NRBP2: variants seen among roughly 807,000 people sequenced by gnomAD.
The protein encoded by NRBP2 is nuclear receptor-binding protein 2.
Under a neutral mutation model 74.4 loss-of-function variants are expected in NRBP2, and 47 were observed. The observed-to-expected ratio is 0.63, with a 90% confidence interval of 0.50 to 0.81. The LOEUF (loss-of-function observed/expected upper bound fraction) is 0.81, where lower values mean the gene tolerates loss of function less well. Among genes scored for constraint, NRBP2 ranks in the 30% least tolerant of loss-of-function variants. The pLI is 0.00. For synonymous variants in NRBP2, 312 were observed against 273.8 expected, an observed-to-expected ratio of 1.14 and a Z score of -1.38; for missense variants, 613 against 690.1, an observed-to-expected ratio of 0.89 and a Z score of 1.25.
Position 143,835,880 on chromosome 8 carries a change from G to A in NRBP2, c.1382-5C>T. On this transcript the variant is annotated splice_polypyrimidine_tract_variant and splice_region_variant and intron_variant, in intron 16 of 17. Transcript: ENST00000442628. The surrounding 1 kb of genome is among the most constrained non-coding windows in gnomAD (Gnocchi z 4.9). Reference sequence around the variant, plus strand: ...CGAGGTCCTGGGCGCTGTCCGCTGAGGCAATGGCGTAAGGCGAGGCATGAG... The same window carrying A: ...CGAGGTCCTGGGCGCTGTCCGCTGAAGCAATGGCGTAAGGCGAGGCATGAG... 6.2e-7 allele frequency: 1 copy of A among 1,603,252 alleles called. No individual in the cohort carries two copies. The highest frequency in any genetic ancestry group is 1.1e-5 in the South Asian group (1 of 90,442).
At chr8:143,832,844 G>C (rs1818211170), downstream of NRBP2, among the ~76,000 whole-genome samples, 2 of 152,102 alleles carry the variant, frequency 1.3e-5, no homozygotes, top group Non-Finnish European at 1.5e-5. Context: ...TGGTTCCCCG[G>C]GTCCCCTTAT....
Position 143,837,093 on chromosome 8 carries a change from C to A in NRBP2, c.1209G>T (p.Glu403Asp), listed in dbSNP as rs782450016. 10 of 1,611,304 alleles carry A rather than the reference C, an allele frequency of 6.2e-6. No homozygotes were observed. The highest frequency in any genetic ancestry group is 7.6e-6 in the Non-Finnish European group (9 of 1,179,076). ...LPRVLAPPPE[E>D]VQKAKTPTPE... is the part of the protein sequence containing the mutation. ...GCGTCGGGGTCTTGGCCTTTTGGAC[C>A]TCCTCCGGGGGTGGGGCCAGCACAC... The change falls in exon 14 of 18, where the codon GAG (glutamate) becomes GAT (aspartate). Residue 403 changes from glutamate (E) to aspartate (D), a missense_variant. Coordinates refer to ENST00000442628, the MANE Select transcript of NRBP2 (RefSeq NM_178564.4). This position sits in a 1 kb window ranked among gnomAD's most constrained non-coding sequence, Gnocchi z 4.3.
rs1554653521 is a variant in NRBP2, at chr8:143,840,763, G to T, written c.72C>A (p.Asp24Glu). Residue 24 changes from aspartate (D) to glutamate (E), a missense_variant, in exon 1 of 18, where the codon GAC becomes GAA. This residue lies in a region of NRBP2 where 332 missense variants were observed against 429.2 expected (regional missense o/e 0.77). Coordinates refer to ENST00000442628, the MANE Select transcript of NRBP2 (RefSeq NM_178564.4). The surrounding 1 kb of genome is among the most constrained non-coding windows in gnomAD (Gnocchi z 5.7). ...GGCTTTCCTCCAGGATGTCGCTCTCGTCCTCGCTCTCGTCCTCCCGCTCCC... is the reference window on the plus strand; with the variant it reads ...GGCTTTCCTCCAGGATGTCGCTCTCTTCCTCGCTCTCGTCCTCCCGCTCCC... ...REREREDESE[D>E]ESDILEESPC... 2 of 1,513,790 alleles carry T rather than the reference G, an allele frequency of 1.3e-6. No individual in the cohort carries two copies. The highest frequency in any genetic ancestry group is 1.8e-6 in the Non-Finnish European group (2 of 1,137,118). 93.8% of individuals were successfully genotyped at this position (1,513,790 alleles called of 1,614,324 possible). A position where few individuals can be genotyped will look rare whatever the true frequency, so the allele number is the denominator to read the frequency against.
At position 143,840,622 on chromosome 8, in the gene NRBP2, A is replaced by AGC; in HGVS notation, c.129+82_129+83dup. 7.9e-7 allele frequency: 1 copy of AGC among 1,263,278 alleles called. No individual in the cohort carries two copies. The highest frequency in any genetic ancestry group is 1.0e-6 in the Non-Finnish European group (1 of 965,214). 78.3% of individuals were successfully genotyped at this position (1,263,278 alleles called of 1,614,324 possible). On this transcript the variant is annotated intron_variant, in intron 1 of 17. Transcript: ENST00000442628. This position sits in a 1 kb window ranked among gnomAD's most constrained non-coding sequence, Gnocchi z 5.7. ...AGGTTTCCAGCCGCCGCGCTCTCCC[A>AGC]GCGCCCCCACGCCCCGCGCAGCCTC...
Position 143,837,697 on chromosome 8 carries a change from A to C in NRBP2, c.899T>G (p.Leu300Arg). 1 of 1,573,286 alleles carries C rather than the reference A, an allele frequency of 6.4e-7. No homozygotes were observed. The highest frequency in any genetic ancestry group is 8.6e-7 in the Non-Finnish European group (1 of 1,158,976). ...CTCGAAGAGCACGCGGTGGAAGAGG[A>C]GGCTGTGGGCAGAGGGCCGGCGGGC... Reference protein sequence around the residue: ...DPARRPSAHSLLFHRVLFEVH... With the variant: ...DPARRPSAHSRLFHRVLFEVH... Residue 300 changes from leucine to arginine, a missense_variant, in exon 11 of 18, where the codon CTC becomes CGC. By Grantham distance (102) the Leu-to-Arg change is moderately radical (BLOSUM62 -2). This residue lies in a region of NRBP2 where 332 missense variants were observed against 429.2 expected (regional missense o/e 0.77). Coordinates refer to ENST00000442628, the MANE Select transcript of NRBP2 (RefSeq NM_178564.4). This position sits in a 1 kb window ranked among gnomAD's most constrained non-coding sequence, Gnocchi z 4.3.
Position 143,840,150 on chromosome 8 carries a change from T to G in NRBP2, c.209A>C (p.Asn70Thr), listed in dbSNP as rs1554653376. The change falls in exon 2 of 18, where the codon AAC becomes ACC. Residue 70 changes from asparagine (N) to threonine (T), a missense_variant. Transcript: ENST00000442628. This position sits in a 1 kb window ranked among gnomAD's most constrained non-coding sequence, Gnocchi z 5.7. ...CTTCCTGTCTCCGAAGTGGAGCTCGTTCCACACCACCTCTACCCCCTCCTC... is the reference window on the plus strand; with the variant it reads ...CTTCCTGTCTCCGAAGTGGAGCTCGGTCCACACCACCTCTACCCCCTCCTC... ...DTEEGVEVVW[N>T]ELHFGDRKAF... The G allele has an allele frequency of 6.5e-7, 1 of 1,536,114 alleles. No individual in the cohort carries two copies.
Position 143,839,570 on chromosome 8 carries a change from C to T in NRBP2, c.445-21G>A. On this transcript the variant is annotated intron_variant, in intron 4 of 17. Transcript: ENST00000442628. This position sits in a 1 kb window ranked among gnomAD's most constrained non-coding sequence, Gnocchi z 5.1. ...CAGGCCTGGCGGCGGACGCACGACT[C>T]CGTCGGTCGGGTGGGCGCAGGAGAG... 6.5e-7 allele frequency: 1 copy of T among 1,528,082 alleles called. No homozygotes were observed. The allele number at this position is 1,528,082 out of a possible 1,614,324, so 94.7% of individuals were successfully genotyped here.
At chr8:143,831,143 T>C (rs1046408708), downstream of NRBP2, among the ~76,000 whole-genome samples, 1 of 152,242 alleles carries the variant, frequency 6.6e-6, no homozygotes, top group Non-Finnish European at 1.5e-5. Context: ...GCACGCAGGA[T>C]GCATGGTGCC....
chr8:143,836,870 C>T (rs1554651930), intron 14 of NRBP2, among the ~76,000 whole-genome samples, 169 bp downstream of exon 14: 1 of 152,000 alleles, frequency 6.6e-6, no homozygotes, highest in East Asian at 1.9e-4. Context: ...CCCAGCCTGT[C>T]CTATAACCCC....
At position 143,839,796 on chromosome 8, in the gene NRBP2, T is replaced by G. The variant is rs1355774236; in HGVS notation, c.384A>C (p.Ser128=). The G allele has an allele frequency of 7.2e-6, 11 of 1,535,908 alleles. No homozygotes were observed. Among genetic ancestry groups the G allele is most frequent in the Non-Finnish European group, 9.6e-6 (11 of 1,146,864 alleles). Residue 128 remains serine (S), a synonymous_variant, in exon 4 of 18, where the codon TCA becomes TCC. Transcript: ENST00000442628. The surrounding 1 kb of genome is among the most constrained non-coding windows in gnomAD (Gnocchi z 5.1). The part of the protein sequence containing the change: ...RVIFITEYVS[S]GSLKQFLKKT... ...TTTTGAGGAATTGCTTGAGGCTGCC[T>G]GATGACACGTACTCTGTGATGAAGA...
chr8:143,837,484 C>T lies in NRBP2; in HGVS notation c.999G>A (p.Glu333=). ...HQYLMPENVV[E]EKTKAMDLHA... ...GCAGGTCCATGGCCTTGGTCTTCTC[C>T]TCCACCACATTCTCAGGCATGAGGT... is the stretch of plus-strand genomic sequence containing the variant. Residue 333 remains glutamate, a synonymous_variant, in exon 12 of 18, where the codon GAG becomes GAA. Transcript: ENST00000442628. This position sits in a 1 kb window ranked among gnomAD's most constrained non-coding sequence, Gnocchi z 4.3. The T allele has an allele frequency of 1.2e-6, 2 of 1,611,238 alleles. No individual in the cohort carries two copies. Among genetic ancestry groups the T allele is most frequent in the African/African-American group, 1.3e-5 (1 of 75,006 alleles).
chr8:143,839,383 T>C lies in NRBP2; in HGVS notation c.511A>G (p.Ile171Val), dbSNP rs533496025. ...LSFLHACSPPIIHGNLTSDTI... is the reference protein window; with the variant it reads ...LSFLHACSPPVIHGNLTSDTI... ...TCGCTGGTCAGGTTCCCGTGGATGA[T>C]TGGGGGGCTGCAGGCGTGCAGGAAG... Residue 171 changes from isoleucine to valine, a missense_variant, in exon 6 of 18, where the codon ATC (isoleucine) becomes GTC (valine). Transcript: ENST00000442628. This position sits in a 1 kb window ranked among gnomAD's most constrained non-coding sequence, Gnocchi z 5.1. The C allele has an allele frequency of 1.4e-4, 226 of 1,587,396 alleles. No individual in the cohort carries two copies. The highest frequency in any genetic ancestry group is 1.2e-3 in the African/African-American group (93 of 74,426).
In NRBP2 at chr8:143,835,744, G is replaced by A. The variant is rs1049363236; in HGVS notation, c.1438-14C>T. 5 of 1,596,840 alleles carry A rather than the reference G, an allele frequency of 3.1e-6. No homozygotes were observed. The highest frequency in any genetic ancestry group is 2.7e-5 in the African/African-American group (2 of 74,162). On this transcript the variant is annotated splice_polypyrimidine_tract_variant and intron_variant, in intron 17 of 17. Coordinates refer to ENST00000442628, the MANE Select transcript of NRBP2 (RefSeq NM_178564.4). The surrounding 1 kb of genome is among the most constrained non-coding windows in gnomAD (Gnocchi z 4.9). ...CATCCGGTCGTCCTGCGGAAGGAGG[G>A]AGGCATGGGGGACGGAGGGGCGCGG...
At position 143,840,023 on chromosome 8, in the gene NRBP2, A is replaced by G; in HGVS notation, c.260T>C (p.Ile87Thr). ...RKAFAAHEEK[I>T]QTVFEQLVLV... ...CACCAGCTGCTCGAACACGGTCTGGATCTTCTCCTGGGGAGGGAGGGTGGT... is the reference window on the plus strand; with the variant it reads ...CACCAGCTGCTCGAACACGGTCTGGGTCTTCTCCTGGGGAGGGAGGGTGGT... Residue 87 changes from isoleucine (I) to threonine (T), a missense_variant, in exon 3 of 18, where the codon ATC becomes ACC. Transcript: ENST00000442628. The surrounding 1 kb of genome is among the most constrained non-coding windows in gnomAD (Gnocchi z 5.7). 1.3e-6 allele frequency: 2 copies of G among 1,536,114 alleles called. No individual in the cohort carries two copies. Among genetic ancestry groups the G allele is most frequent in the Middle Eastern group, 1.7e-4 (1 of 5,990 alleles).
At chr8:143,836,852 GGA>G (rs1444513954) in intron 14 of NRBP2, among the ~76,000 whole-genome samples, 185 bp downstream of exon 14, 1 of 152,206 alleles carries the variant, frequency 6.6e-6, no homozygotes, top group Admixed American at 6.5e-5. Flanking sequence ...TCCCGGAAAA[GGA>G]GAGTGCCCAG....
Position 143,839,995 on chromosome 8 carries a change from C to G in NRBP2, c.288G>C (p.Leu96=), listed in dbSNP as rs1343919118. The change falls in exon 3 of 18, where the codon CTG becomes CTC. Residue 96 remains leucine, a synonymous_variant. Transcript: ENST00000442628. This position sits in a 1 kb window ranked among gnomAD's most constrained non-coding sequence, Gnocchi z 5.1. ...ACTTCACGATGTTCGGGTGGTCCAC[C>G]AGCACCAGCTGCTCGAACACGGTCT... is the stretch of plus-strand genomic sequence containing the variant. The part of the protein sequence containing the change: ...KIQTVFEQLV[L]VDHPNIVKLH... 5 of 1,536,066 alleles carry G rather than the reference C, an allele frequency of 3.3e-6. No individual in the cohort carries two copies. Among genetic ancestry groups the G allele is most frequent in the Non-Finnish European group, 4.4e-6 (5 of 1,146,912 alleles).
In NRBP2 at chr8:143,840,529, C is replaced by G; in HGVS notation, c.129+177G>C. ...GGGAGGAGACTGGCCCTCAGGGAGT[C>G]CCAGGGCGAGCGCCAGGCCAAAGGG... On this transcript the variant is annotated intron_variant, in intron 1 of 17. Transcript: ENST00000442628. This position sits in a 1 kb window ranked among gnomAD's most constrained non-coding sequence, Gnocchi z 5.7. 1.4e-6 allele frequency: 1 copy of G among 694,782 alleles called. No homozygotes were observed. 43.0% of individuals were successfully genotyped at this position (694,782 alleles called of 1,614,324 possible). A position where few individuals can be genotyped will look rare whatever the true frequency, so the allele number is the denominator to read the frequency against.
intron 10 of NRBP2, chr8:143,838,052 G>A: frequency 1.5e-6 from 1 of 648,198 alleles, no homozygotes; most frequent in South Asian, 1.5e-5. Flanking sequence ...CCTACCCATG[G>A]CCTTTTGATC....
chr8:143,832,518 A>G (rs569990843), downstream of NRBP2, among the ~76,000 whole-genome samples: 66 of 152,398 alleles, frequency 4.3e-4, no homozygotes, highest in Admixed American at 1.5e-3. Context: ...GAATGTCTCC[A>G]TATAAAACCT....
Sources: gnomAD v4.1 joint callset for allele counts (sites outside exome capture counted in the v4.1 genomes callset) on GRCh38, gnomAD v4.1.1 for gene constraint, gnomAD v4.1.1 regional missense constraint, Gnocchi (gnomAD v3.1) non-coding constraint, MANE v1.5 for transcripts, NCBI Gene and HGNC (gene_info 2026-07-23, HGNC 2026-07-21) for gene names.